The following CCSER1 variants were observed in gnomAD, a reference collection of about 807,000 sequenced individuals.
CCSER1 encodes the protein coiled-coil serine rich protein 1.
CCSER1 carries 41 observed loss-of-function variants against 82.0 expected under a neutral mutation model. The ratio of observed to expected loss-of-function variants is 0.50; its 90% CI spans 0.39 to 0.65. The LOEUF is 0.65. Ranked by LOEUF, CCSER1 falls within the 30% of genes least tolerant of loss-of-function variation. The pLI is 0.00. For synonymous variants in CCSER1, 414 were observed against 383.9 expected, an observed-to-expected ratio of 1.08 and a Z score of -0.92; for missense variants, 1,119 against 1,064.2, an observed-to-expected ratio of 1.05 and a Z score of -0.72.
intron 1 of CCSER1, among the ~76,000 whole-genome samples, chr4:90,241,970 A>G (rs1475161221): frequency 1.3e-5 from 2 of 152,190 alleles, no homozygotes; most frequent in African/African-American, 4.8e-5. Flanking sequence ...CTAACCCTGA[A>G]TTTAAGATCT....
chr4:90,492,453 C>A (rs1467617225), intron 5 of CCSER1, among the ~76,000 whole-genome samples: 1 of 151,972 alleles, frequency 6.6e-6, no homozygotes, highest in East Asian at 1.9e-4. Flanking sequence ...TTTTGTTGAT[C>A]TTTTCAAAAA....
At chr4:90,868,396 C>T (rs954439544) in intron 8 of CCSER1, among the ~76,000 whole-genome samples, 2 of 152,114 alleles carry the variant, frequency 1.3e-5, no homozygotes, top group Admixed American at 6.6e-5. Flanking sequence ...CTCTCTATCT[C>T]GATGAGGTCA....
chr4:90,869,738 T>G (rs59669210), intron 8 of CCSER1, among the ~76,000 whole-genome samples: 1 of 151,520 alleles, frequency 6.6e-6, no homozygotes, highest in Non-Finnish European at 1.5e-5. Flanking sequence ...TCTATTTCAG[T>G]GGAAGGTCAT....
At chr4:90,974,732 C>T (rs988884578) in intron 9 of CCSER1, among the ~76,000 whole-genome samples, 46 of 151,278 alleles carry the variant, frequency 3.0e-4, no homozygotes, top group Non-Finnish European at 1.3e-4. Context: ...CAACTTTTGG[C>T]AGGTATGTGG....
chr4:91,090,570 A>G (rs906899106), intron 10 of CCSER1, among the ~76,000 whole-genome samples: 4 of 152,190 alleles, frequency 2.6e-5, no homozygotes, highest in Non-Finnish European at 5.9e-5. Context: ...TTTAGAACCC[A>G]GAAATTGTCA....
chr4:91,181,131 A>G (rs1240583886), intron 10 of CCSER1, among the ~76,000 whole-genome samples: 1 of 152,150 alleles, frequency 6.6e-6, no homozygotes, highest in East Asian at 1.9e-4. Flanking sequence ...TGCTGCAGAG[A>G]TTTTGTTTAT....
chr4:91,493,960 A>G (rs1033004945), intron 10 of CCSER1, among the ~76,000 whole-genome samples: 5 of 151,850 alleles, frequency 3.3e-5, no homozygotes, highest in Non-Finnish European at 5.9e-5. Flanking sequence ...TGATGATACT[A>G]TGGTCTGAAT....
chr4:91,153,248 A>T (rs1730435322), intron 10 of CCSER1, among the ~76,000 whole-genome samples: 1 of 151,632 alleles, frequency 6.6e-6, no homozygotes, highest in Non-Finnish European at 1.5e-5. Context: ...TTCTCACTTC[A>T]TTTCATTCAT....
intron 9 of CCSER1, among the ~76,000 whole-genome samples, chr4:90,972,478 G>T (rs1458156502): frequency 6.6e-6 from 1 of 151,558 alleles, no homozygotes; most frequent in Admixed American, 6.6e-5. Flanking sequence ...CAAAGTGAAA[G>T]ATCTGTGCAC....
At chr4:91,384,425 A>ATTG (rs1553931191) in intron 10 of CCSER1, among the ~76,000 whole-genome samples, 37 of 151,992 alleles carry the variant, frequency 2.4e-4, no homozygotes, top group Non-Finnish European at 4.4e-4. Context: ...GCAACATGAT[A>ATTG]TTAGATTTTT....
intron 10 of CCSER1, among the ~76,000 whole-genome samples, chr4:91,478,544 A>G (rs781108592): frequency 2.6e-5 from 4 of 151,992 alleles, no homozygotes; most frequent in Non-Finnish European, 5.9e-5. Flanking sequence ...ATTCAGATTG[A>G]TAGGCAAATG....
intron 1 of CCSER1, among the ~76,000 whole-genome samples, chr4:90,285,083 A>G (rs921101353): frequency 1.3e-5 from 2 of 151,998 alleles, no homozygotes; most frequent in African/African-American, 4.8e-5. Context: ...AGGTAATGCA[A>G]TTGCTCCAGT....
At chr4:91,007,377 A>G (rs1270510860) in intron 9 of CCSER1, among the ~76,000 whole-genome samples, 1 of 152,168 alleles carries the variant, frequency 6.6e-6, no homozygotes, top group African/African-American at 2.4e-5. Context: ...TAGTTCTTTA[A>G]TGATTTGGTA....
chr4:91,323,747 A>G (rs975428666), intron 10 of CCSER1, among the ~76,000 whole-genome samples: 6 of 152,210 alleles, frequency 3.9e-5, no homozygotes, highest in Non-Finnish European at 5.9e-5. Flanking sequence ...CTTTCTGAAC[A>G]TAACAAGGAA....
At chr4:90,306,472 TAAA>T (rs1734296312) in intron 1 of CCSER1, among the ~76,000 whole-genome samples, 1 of 152,170 alleles carries the variant, frequency 6.6e-6, no homozygotes, top group African/African-American at 2.4e-5. Flanking sequence ...ATCTGTCAAT[TAAA>T]AATAAAATCA....
intron 10 of CCSER1, among the ~76,000 whole-genome samples, chr4:91,379,434 G>A (rs575979260): frequency 6.6e-6 from 1 of 152,280 alleles, no homozygotes; most frequent in Non-Finnish European, 1.5e-5. Flanking sequence ...TTCAGAGCCT[G>A]TTATTGGTCT....
At chr4:91,314,881 A>G (rs917706591) in intron 10 of CCSER1, among the ~76,000 whole-genome samples, 2 of 151,902 alleles carry the variant, frequency 1.3e-5, no homozygotes, top group African/African-American at 4.8e-5. Context: ...CCTAAAGGTA[A>G]TGATTCAAAT....
At chr4:91,221,529 G>T (rs1052582684) in intron 10 of CCSER1, among the ~76,000 whole-genome samples, 2 of 151,118 alleles carry the variant, frequency 1.3e-5, no homozygotes, top group South Asian at 2.1e-4. Flanking sequence ...TAATATTTGT[G>T]TATTTTCAAT....
chr4:91,547,039 T>G (rs1431990753), intron 10 of CCSER1, among the ~76,000 whole-genome samples: 1 of 151,552 alleles, frequency 6.6e-6, no homozygotes, highest in Non-Finnish European at 1.5e-5. Flanking sequence ...TATTTTGGGA[T>G]TTTTAAGCTA....
Sources: gnomAD v4.1 joint callset for allele counts (sites outside exome capture counted in the v4.1 genomes callset) on GRCh38, gnomAD v4.1.1 for gene constraint, MANE v1.5 for transcripts, NCBI Gene and HGNC (gene_info 2026-07-23, HGNC 2026-07-21) for gene names.